The following RBBP4 variants were observed in gnomAD, a reference collection of about 807,000 sequenced individuals.
RBBP4 encodes the protein RB binding protein 4, chromatin remodeling factor, also known as histone-binding protein RBBP4.
Under a neutral mutation model 57.2 loss-of-function variants are expected in RBBP4, and 3 were observed. The ratio of observed to expected loss-of-function variants is 0.05; its 90% CI spans 0.02 to 0.14. RBBP4 has a LOEUF of 0.14. RBBP4 is among the 10% of genes least tolerant of loss of function. RBBP4 has a pLI of 1.00. For missense variants in RBBP4, 107 were observed against 520.6 expected, an observed-to-expected ratio of 0.21 and a Z score of 7.73; for synonymous variants, 151 against 171.5, an observed-to-expected ratio of 0.88 and a Z score of 0.93.
In RBBP4 at chr1:32,681,878, A is replaced by G; in HGVS notation, c.*2173A>G. ...AACAGCCCCTGTAAAGTTGAAAGAA[A>G]AAGTTTATAACAGTGAACTTCTGAG... is the stretch of plus-strand genomic sequence containing the variant. On this transcript the variant is annotated 3_prime_UTR_variant, in exon 12 of 12. Transcript: ENST00000373493. 6.2e-7 allele frequency: 1 copy of G among 1,612,270 alleles called. No individual in the cohort carries two copies. The highest frequency in any genetic ancestry group is 8.5e-7 in the Non-Finnish European group (1 of 1,178,280).
intron 11 of RBBP4, among the ~76,000 whole-genome samples, chr1:32,676,243 C>T (rs1024690418): frequency 5.3e-5 from 8 of 152,104 alleles, no homozygotes; most frequent in Admixed American, 2.6e-4. Flanking sequence ...AAAGGGGAAG[C>T]GCAGACTGAA....
chr1:32,684,241 T>C lies in RBBP4; in HGVS notation c.*4536T>C. The stretch of plus-strand genomic sequence containing the variant: ...CAGCCAGTATTAGATGAGATTTGTA[T>C]AGCAGCAGAAACTGACTTATAAGTA... On this transcript the variant is annotated 3_prime_UTR_variant, in exon 12 of 12. Transcript: ENST00000373493. 1 of 1,614,194 alleles carries C rather than the reference T, an allele frequency of 6.2e-7. No homozygotes were observed. The highest frequency in any genetic ancestry group is 1.1e-5 in the South Asian group (1 of 91,086).
chr1:32,652,275 C>T, intron 2 of RBBP4: 1 of 544,518 alleles, frequency 1.8e-6, no homozygotes. Flanking sequence ...TTTCTCAATA[C>T]TGAATTAAAT....
intron 3 of RBBP4, among the ~76,000 whole-genome samples, chr1:32,666,883 T>C (rs1427511869): frequency 1.3e-5 from 2 of 152,202 alleles, no homozygotes; most frequent in Non-Finnish European, 2.9e-5. Context: ...GTATTACTAA[T>C]ATAACCAAGG....
At chr1:32,658,931 A>T (rs911587321) in intron 3 of RBBP4, among the ~76,000 whole-genome samples, 2 of 15,654 alleles carry the variant, frequency 1.3e-4, no homozygotes, top group African/African-American at 2.4e-4. Context: ...TATAAATGTT[A>T]TATTTATATA....
chr1:32,667,548 G>GGT (rs1244597201), intron 3 of RBBP4, among the ~76,000 whole-genome samples: 2 of 152,124 alleles, frequency 1.3e-5, no homozygotes, highest in African/African-American at 4.8e-5. Flanking sequence ...CCCAGGCTCA[G>GGT]GTGTTTTCTC....
Position 32,684,284 on chromosome 1 carries a change from A to G in RBBP4, c.*4579A>G. 6.2e-7 allele frequency: 1 copy of G among 1,614,192 alleles called. No homozygotes were observed. Among genetic ancestry groups the G allele is most frequent in the East Asian group, 2.2e-5 (1 of 44,890 alleles). Reference sequence around the variant, plus strand: ...TATAAGTAGAGAGCTCTTCAGCAAGACTGAGCCTTAGCTGTTCCATCTCTT... The same window carrying G: ...TATAAGTAGAGAGCTCTTCAGCAAGGCTGAGCCTTAGCTGTTCCATCTCTT... On this transcript the variant is annotated 3_prime_UTR_variant, in exon 12 of 12. Transcript: ENST00000373493.
At chr1:32,676,365 G>A (rs1649100187) in intron 11 of RBBP4, among the ~76,000 whole-genome samples, 1 of 152,134 alleles carries the variant, frequency 6.6e-6, no homozygotes, top group Non-Finnish European at 1.5e-5. Context: ...AACACTTTGG[G>A]AGGCCGAGGT....
chr1:32,660,899 T>G (rs1648375363), intron 3 of RBBP4, among the ~76,000 whole-genome samples: 1 of 152,186 alleles, frequency 6.6e-6, no homozygotes, highest in African/African-American at 2.4e-5. Flanking sequence ...AACCTCTGCC[T>G]CCTGGGCTCA....
intron 8 of RBBP4, among the ~76,000 whole-genome samples, 169 bp from the exon 9 acceptor site, chr1:32,672,281 G>A (rs893375130): frequency 5.9e-5 from 9 of 152,156 alleles, no homozygotes; most frequent in African/African-American, 1.4e-4. Flanking sequence ...AACCGCGCCT[G>A]CCCATAAAAT....
At chr1:32,666,266 G>A (rs181726204) in intron 3 of RBBP4, among the ~76,000 whole-genome samples, 2 of 152,318 alleles carry the variant, frequency 1.3e-5, no homozygotes, top group Non-Finnish European at 2.9e-5. Context: ...GGGCACTTTA[G>A]TGTTTAGCAC....
intron 3 of RBBP4, among the ~76,000 whole-genome samples, chr1:32,664,118 C>T (rs765721943): frequency 4.1e-4 from 62 of 151,922 alleles, no homozygotes; most frequent in Non-Finnish European, 5.9e-4. Flanking sequence ...TTATTAGAGA[C>T]GGGGTTTTAC....
chr1:32,664,536 T>G (rs1213549901), intron 3 of RBBP4, among the ~76,000 whole-genome samples: 1 of 152,088 alleles, frequency 6.6e-6, no homozygotes, highest in Non-Finnish European at 1.5e-5. Context: ...CAGTGCAACC[T>G]CTGCCTCCCG....
chr1:32,672,771 T>C lies in RBBP4; in HGVS notation c.1102-20T>C, dbSNP rs1338634505. On this transcript the variant is annotated intron_variant, in intron 10 of 11. Coordinates refer to ENST00000373493, the MANE Select transcript of RBBP4 (RefSeq NM_005610.3). ...GTCCTCTATCTGCATTTCACCTCTT[T>C]GTTTTCTTCCCTCTTTCAGTTTATT... 1 of 1,581,088 alleles carries C rather than the reference T, an allele frequency of 6.3e-7. No individual in the cohort carries two copies. Among genetic ancestry groups the C allele is most frequent in the South Asian group, 1.1e-5 (1 of 89,944 alleles).
Position 32,672,769 on chromosome 1 carries a change from TTTG to T in RBBP4, c.1102-19_1102-17del, listed in dbSNP as rs758359764. On this transcript the variant is annotated intron_variant, in intron 10 of 11. Transcript: ENST00000373493. The stretch of plus-strand genomic sequence containing the variant: ...ATGTCCTCTATCTGCATTTCACCTC[TTTG>T]TTTTCTTCCCTCTTTCAGTTTATTC... The T allele has an allele frequency of 6.2e-7, 1 of 1,608,040 alleles. No individual in the cohort carries two copies. The highest frequency in any genetic ancestry group is 1.3e-5 in the African/African-American group (1 of 74,788).
In RBBP4 at chr1:32,669,213, G is replaced by GTT; in HGVS notation, c.762-10_762-9dup. ...CACCATTTCAAGGTTTTTTTCCTTT[G>GTT]TTTTTTTTTCACTGAAGTTGGGATA... On this transcript the variant is annotated splice_polypyrimidine_tract_variant and intron_variant, in intron 6 of 11. Coordinates refer to ENST00000373493, the MANE Select transcript of RBBP4 (RefSeq NM_005610.3). The surrounding 1 kb of genome is among the most constrained non-coding windows in gnomAD (Gnocchi z 4.9). 1.9e-6 allele frequency: 3 copies of GTT among 1,591,206 alleles called. No homozygotes were observed. The highest frequency in any genetic ancestry group is 1.8e-5 in the Admixed American group (1 of 56,550).
Position 32,684,579 on chromosome 1 carries a change from G to A in RBBP4, c.*4874G>A. On this transcript the variant is annotated 3_prime_UTR_variant, in exon 12 of 12. Coordinates refer to ENST00000373493, the MANE Select transcript of RBBP4 (RefSeq NM_005610.3). ...AAAAAGTGACAATGCTTTTGAAAAT[G>A]ATGACGAAAAAGGCATCTTGTCTGT... The A allele has an allele frequency of 2.7e-6, 2 of 754,664 alleles. No individual in the cohort carries two copies. Among genetic ancestry groups the A allele is most frequent in the Non-Finnish European group, 2.0e-6 (1 of 492,040 alleles). The allele number at this position is 754,664 out of a possible 1,614,324, so 46.7% of individuals were successfully genotyped here.
At chr1:32,658,722 A>G (rs908632333) in intron 3 of RBBP4, among the ~76,000 whole-genome samples, 2 of 151,516 alleles carry the variant, frequency 1.3e-5, no homozygotes, top group Non-Finnish European at 2.9e-5. Context: ...AATTTTTTGT[A>G]TTTTTAGTAG....
Position 32,669,783 on chromosome 1 carries a change from G to A in RBBP4, c.966+220G>A, listed in dbSNP as rs776094865. Among the ~76,000 whole-genome samples the A allele has an allele frequency of 9.2e-5, 14 of 152,232 alleles. No homozygotes were observed. The highest frequency in any genetic ancestry group is 1.8e-4 in the Non-Finnish European group (12 of 68,004). ...CGGATGCCCGTAGTCCCAGCTACTCGGGAGGCTGAGGCAGGAGAATGGCAT... is the reference window on the plus strand; with the variant it reads ...CGGATGCCCGTAGTCCCAGCTACTCAGGAGGCTGAGGCAGGAGAATGGCAT... On this transcript the variant is annotated intron_variant, in intron 8 of 11. Coordinates refer to ENST00000373493, the MANE Select transcript of RBBP4 (RefSeq NM_005610.3). The surrounding 1 kb of genome is among the most constrained non-coding windows in gnomAD (Gnocchi z 4.9).
Sources: allele counts gnomAD v4.1 joint callset (sites outside exome capture counted in the v4.1 genomes callset), GRCh38; gene constraint gnomAD v4.1.1; non-coding constraint Gnocchi (gnomAD v3.1); transcripts MANE v1.5; gene names NCBI Gene and HGNC (gene_info 2026-07-23, HGNC 2026-07-21).